The following GPR39 variants were observed in gnomAD, a reference collection of about 807,000 sequenced individuals.
GPR39 encodes zinc sensing receptor.
In GPR39, 23 loss-of-function variants were observed where a neutral mutation model predicts 18.4. The observed-to-expected ratio is 1.25, with a 90% CI of 0.90 to 1.77. GPR39 has a LOEUF of 1.77. GPR39 is among the 40% of genes most tolerant of loss of function. The probability of loss-of-function intolerance (pLI) is 0.00; values close to 1 mark genes in which losing one functional copy is unlikely to be tolerated. For synonymous variants in GPR39, 280 were observed against 257.9 expected, an observed-to-expected ratio of 1.09 and a Z score of -0.82; for missense variants, 647 against 602.4, an observed-to-expected ratio of 1.07 and a Z score of -0.78.
intron 1 of GPR39, among the ~76,000 whole-genome samples, chr2:132,605,924 T>G (rs970080715): frequency 1.3e-5 from 2 of 152,216 alleles, no homozygotes; most frequent in Non-Finnish European, 2.9e-5. Context: ...TGGCTGTCAC[T>G]TTCATTTAGT....
At chr2:132,479,798 C>T (rs898511312) in intron 1 of GPR39, among the ~76,000 whole-genome samples, 2 of 148,614 alleles carry the variant, frequency 1.3e-5, no homozygotes, top group Admixed American at 6.7e-5. Context: ...TATGGAGATT[C>T]TTCTCAAAAT....
At chr2:132,510,398 A>T (rs1477369083) in intron 1 of GPR39, among the ~76,000 whole-genome samples, 6 of 152,068 alleles carry the variant, frequency 3.9e-5, no homozygotes, top group Non-Finnish European at 7.4e-5. Context: ...CCCCACCTGT[A>T]CCACAGCTGA....
chr2:132,515,001 C>A (rs1679306319), intron 1 of GPR39, among the ~76,000 whole-genome samples: 1 of 152,152 alleles, frequency 6.6e-6, no homozygotes, highest in South Asian at 2.1e-4. Flanking sequence ...GTGAAAAAAA[C>A]ACAGTAATAT....
At chr2:132,466,095 C>G (rs73957904) in intron 1 of GPR39, among the ~76,000 whole-genome samples, 1,561 of 152,228 alleles carry the variant, frequency 0.01, 34 homozygotes, top group African/African-American at 0.036. Flanking sequence ...CTGAGTCATT[C>G]ATGCTTAGCA....
At chr2:132,437,951 G>A (rs1369166490) in intron 1 of GPR39, among the ~76,000 whole-genome samples, 1 of 152,222 alleles carries the variant, frequency 6.6e-6, no homozygotes, top group Non-Finnish European at 1.5e-5. Flanking sequence ...ATCCTGGCTA[G>A]TGAAACTGTT....
In GPR39 at chr2:132,416,978, C is replaced by G; in HGVS notation, c.-65C>G. The G allele has an allele frequency of 1.9e-6, 3 of 1,553,460 alleles. No homozygotes were observed. The highest frequency in any genetic ancestry group is 2.6e-6 in the Non-Finnish European group (3 of 1,149,856). On this transcript the variant is annotated 5_prime_UTR_variant, in exon 1 of 2. Coordinates refer to ENST00000329321, the MANE Select transcript of GPR39 (RefSeq NM_001508.3). ...TGAGTTTGCAGCCAAGAATTTTGGA[C>G]GCTGCTGGGAGGAGAAAGGGAAGTT...
intron 1 of GPR39, among the ~76,000 whole-genome samples, chr2:132,568,796 A>T (rs543254008): frequency 6.6e-6 from 1 of 152,224 alleles, no homozygotes; most frequent in East Asian, 1.9e-4. Flanking sequence ...GTGGCTTGAT[A>T]GCATGCCCTG....
At chr2:132,506,717 C>A (rs983381256) in intron 1 of GPR39, among the ~76,000 whole-genome samples, 1 of 152,126 alleles carries the variant, frequency 6.6e-6, no homozygotes, top group Admixed American at 6.6e-5. Context: ...GAGGTAACCA[C>A]TCCCATTATC....
At chr2:132,526,303 TA>T (rs1276328358) in intron 1 of GPR39, among the ~76,000 whole-genome samples, 3 of 152,170 alleles carry the variant, frequency 2.0e-5, no homozygotes, top group Non-Finnish European at 4.4e-5. Context: ...GTTTTAGCCA[TA>T]AGGATTGCAG....
At chr2:132,457,582 G>A (rs913151944) in intron 1 of GPR39, among the ~76,000 whole-genome samples, 1 of 152,192 alleles carries the variant, frequency 6.6e-6, no homozygotes, top group Non-Finnish European at 1.5e-5. Flanking sequence ...TAGGCTACAC[G>A]GGGTTCAGGG....
Position 132,488,993 on chromosome 2 carries a change from C to T in GPR39, c.856+71095C>T, listed in dbSNP as rs1312790767. The stretch of plus-strand genomic sequence containing the variant: ...CTCACTATTGAGGACCCCTATGACG[C>T]GGAGTCTATCATGGTTGCAGCCTGC... On this transcript the variant is annotated intron_variant, in intron 1 of 1. Coordinates refer to ENST00000329321, the MANE Select transcript of GPR39 (RefSeq NM_001508.3). The T allele has an allele frequency of 3.2e-5, 5 of 157,314 alleles. 1 individual carries two copies. The highest frequency in any genetic ancestry group is 2.6e-4 in the Admixed American group (4 of 15,518). 9.7% of individuals were successfully genotyped at this position (157,314 alleles called of 1,614,324 possible).
intron 1 of GPR39, among the ~76,000 whole-genome samples, chr2:132,573,413 A>G (rs1447836338): frequency 6.6e-6 from 1 of 152,110 alleles, no homozygotes; most frequent in Admixed American, 6.5e-5. Flanking sequence ...AGTGATGTGG[A>G]AAGAGGGGCA....
At chr2:132,590,443 C>T (rs1438401157) in intron 1 of GPR39, among the ~76,000 whole-genome samples, 2 of 152,012 alleles carry the variant, frequency 1.3e-5, no homozygotes, top group Non-Finnish European at 2.9e-5. Context: ...TCCTGTGTGA[C>T]CTTAGACAAG....
At chr2:132,506,875 T>G (rs1278639070) in intron 1 of GPR39, among the ~76,000 whole-genome samples, 3 of 152,114 alleles carry the variant, frequency 2.0e-5, no homozygotes, top group Non-Finnish European at 4.4e-5. Context: ...CTCCTATTTT[T>G]TTTTTTCTAG....
intron 1 of GPR39, among the ~76,000 whole-genome samples, chr2:132,603,706 G>T (rs952190282): frequency 6.6e-6 from 1 of 152,118 alleles, no homozygotes; most frequent in Non-Finnish European, 1.5e-5. Context: ...GTACATTTGT[G>T]GGCGTGCGTG....
chr2:132,525,159 T>C (rs1275074053), intron 1 of GPR39, among the ~76,000 whole-genome samples: 4 of 152,204 alleles, frequency 2.6e-5, no homozygotes, highest in Non-Finnish European at 5.9e-5. Context: ...TTCCCACTTC[T>C]CTTAAACTCC....
intron 1 of GPR39, among the ~76,000 whole-genome samples, chr2:132,507,708 G>T (rs1679160650): frequency 6.6e-6 from 1 of 152,186 alleles, no homozygotes. Flanking sequence ...CTGACAAACT[G>T]AATTTGAGTG....
intron 1 of GPR39, among the ~76,000 whole-genome samples, chr2:132,456,726 C>T (rs13423027): frequency 0.5 from 76,130 of 151,948 alleles, 20,834 homozygotes; most frequent in Non-Finnish European, 0.62. Flanking sequence ...TTTATTTCTC[C>T]TTCACTTATG....
At chr2:132,424,418 C>A (rs758746989) in intron 1 of GPR39, among the ~76,000 whole-genome samples, 2 of 152,110 alleles carry the variant, frequency 1.3e-5, no homozygotes, top group Non-Finnish European at 2.9e-5. Context: ...ACTTATCACC[C>A]CAGGGTAGGA....
Sources: allele counts gnomAD v4.1 joint callset (sites outside exome capture counted in the v4.1 genomes callset), GRCh38; gene constraint gnomAD v4.1.1; transcripts MANE v1.5; gene names NCBI Gene and HGNC (gene_info 2026-07-23, HGNC 2026-07-21).